Variants in PAK2 observed in about 807,000 individuals in gnomAD.
The protein encoded by PAK2 is p21 (RAC1) activated kinase 2.
In PAK2, 21 loss-of-function variants were observed where a neutral mutation model predicts 65.9. The ratio of observed to expected loss-of-function variants is 0.32; its 90% CI spans 0.23 to 0.46. PAK2 has a LOEUF of 0.46. Among genes scored for constraint, PAK2 ranks in the 20% least tolerant of loss-of-function variants. PAK2 has a pLI of 1.00. For synonymous variants in PAK2, 204 were observed against 219.7 expected (o/e 0.93, Z 0.63); for missense variants, 324 against 642.6 (o/e 0.50, Z 5.36).
At chr3:196,746,339 CATTTAGATG>C (rs2108705976) in intron 1 of PAK2, among the ~76,000 whole-genome samples, 1 of 152,252 alleles carries the variant, frequency 6.6e-6, no homozygotes, top group African/African-American at 2.4e-5. Flanking sequence ...GCTATTGTAA[CATTTAGATG>C]ATGATATGGT....
At position 196,740,155 on chromosome 3, in the gene PAK2, G is replaced by A. The variant is rs1713137618; in HGVS notation, c.-24G>A. 3.3e-5 allele frequency: 5 copies of A among 152,062 alleles called. No individual in the cohort carries two copies. The highest frequency in any genetic ancestry group is 3.3e-4 in the Admixed American group (5 of 15,266). 9.4% of individuals were successfully genotyped at this position (152,062 alleles called of 1,614,324 possible). On this transcript the variant is annotated splice_region_variant and 5_prime_UTR_variant, in exon 1 of 15. Coordinates refer to ENST00000327134, the MANE Select transcript of PAK2 (RefSeq NM_002577.4). ...CTGGGGCGGGGACCTTGCCTTGCCC[G>A]GGGTAAGTGCACACAGGCCGGCCGG...
intron 1 of PAK2, chr3:196,747,216 A>G (rs1713415535): frequency 6.6e-6 from 1 of 151,200 alleles, no homozygotes; most frequent in African/African-American, 2.4e-5. Flanking sequence ...GTTAATGTTA[A>G]TGTTATTAAT....
intron 4 of PAK2, among the ~76,000 whole-genome samples, chr3:196,804,317 C>T (rs1715511119): frequency 6.6e-6 from 1 of 152,170 alleles, no homozygotes. Flanking sequence ...GAAAAGGTCA[C>T]ACTTGCTCCT....
At chr3:196,825,652 T>TAATA (rs757047661) in intron 13 of PAK2, among the ~76,000 whole-genome samples, 41 of 151,708 alleles carry the variant, frequency 2.7e-4, no homozygotes, top group African/African-American at 7.3e-4. Flanking sequence ...CAAAAATAAA[T>TAATA]AATAAATAAA....
At position 196,755,123 on chromosome 3, in the gene PAK2, C is replaced by T. The variant is rs148138898; in HGVS notation, c.-22+14966C>T. On this transcript the variant is annotated intron_variant, in intron 1 of 14. Transcript: ENST00000327134. ...ATTGGTGGAGATTTGGGACAGACTA[C>T]GTTGGAGATTTCTGATTTGATAGCA... Among the ~76,000 whole-genome samples the T allele has an allele frequency of 1.4e-4, 22 of 152,276 alleles. No individual in the cohort carries two copies. The East Asian group carries it at 2.7e-3, about 19-fold the overall frequency.
At chr3:196,792,388 G>A (rs569483707) in intron 2 of PAK2, among the ~76,000 whole-genome samples, 2 of 152,308 alleles carry the variant, frequency 1.3e-5, no homozygotes, top group African/African-American at 2.4e-5. Context: ...AATTGAGAGA[G>A]AGGTAATTTA....
At chr3:196,775,452 G>A (rs767688782) in intron 1 of PAK2, among the ~76,000 whole-genome samples, 2 of 151,522 alleles carry the variant, frequency 1.3e-5, no homozygotes, top group South Asian at 4.2e-4. Flanking sequence ...GTACGATCTC[G>A]GCTCACTGCA....
At chr3:196,813,148 C>G (rs1715882000) in intron 10 of PAK2, among the ~76,000 whole-genome samples, 1 of 152,088 alleles carries the variant, frequency 6.6e-6, no homozygotes, top group Admixed American at 6.6e-5. Flanking sequence ...CGTGTCTTGA[C>G]TGACAGAGGG....
intron 1 of PAK2, among the ~76,000 whole-genome samples, chr3:196,750,188 C>T (rs1342455946): frequency 6.6e-6 from 1 of 151,936 alleles, no homozygotes. Flanking sequence ...TGGGATTTCA[C>T]CATATTGGCC....
intron 2 of PAK2, among the ~76,000 whole-genome samples, chr3:196,783,724 C>T (rs1714790541): frequency 6.6e-6 from 1 of 152,180 alleles, no homozygotes; most frequent in South Asian, 2.1e-4. Context: ...CCAATATCCA[C>T]CATTCTGCAT....
intron 4 of PAK2, 77 bp downstream of exon 4, chr3:196,803,241 AT>A (rs1391363841): frequency 8.5e-7 from 1 of 1,169,914 alleles, no homozygotes; most frequent in African/African-American, 1.6e-5. Flanking sequence ...TCCTGGAAAA[AT>A]GAAAAGCTAA....
chr3:196,763,245 C>A (rs1466589354), intron 1 of PAK2, among the ~76,000 whole-genome samples: 2 of 152,136 alleles, frequency 1.3e-5, no homozygotes, highest in Non-Finnish European at 2.9e-5. Context: ...ATTATTAACT[C>A]TGATACAAAA....
chr3:196,761,199 C>G (rs1713951091), intron 1 of PAK2, among the ~76,000 whole-genome samples: 1 of 112,450 alleles, frequency 8.9e-6, no homozygotes, highest in Non-Finnish European at 1.8e-5. Context: ...GGGTGTTTCT[C>G]ACAGAGGGGG....
chr3:196,755,596 T>TC (rs1355250682), intron 1 of PAK2, among the ~76,000 whole-genome samples: 4 of 151,982 alleles, frequency 2.6e-5, no homozygotes, highest in African/African-American at 9.7e-5. Context: ...GTAGCTGGGA[T>TC]TATAGGTATG....
intron 2 of PAK2, among the ~76,000 whole-genome samples, chr3:196,795,389 G>T (rs1013428339): frequency 6.6e-6 from 1 of 152,060 alleles, no homozygotes; most frequent in Non-Finnish European, 1.5e-5. Context: ...GATTGCTTGA[G>T]CCCAGAGGTT....
At chr3:196,812,964 A>G in intron 10 of PAK2, 113 bp downstream of exon 10, 1 of 603,434 alleles carries the variant, frequency 1.7e-6, no homozygotes, top group Non-Finnish European at 3.0e-6. Context: ...GAGAAATAAG[A>G]TGGAAGAAAG....
Position 196,820,922 on chromosome 3 carries a change from C to T in PAK2, c.1350+355C>T, listed in dbSNP as rs887504874. The stretch of plus-strand genomic sequence containing the variant: ...TGGCGCAATCTCAGCTCACTGCAAC[C>T]GCCACCTCCCAGGTTCAAGCGATCC... On this transcript the variant is annotated intron_variant, in intron 13 of 14. Coordinates refer to ENST00000327134, the MANE Select transcript of PAK2 (RefSeq NM_002577.4). The surrounding 1 kb of genome is among the most constrained non-coding windows in gnomAD (Gnocchi z 4.6). Among the ~76,000 whole-genome samples the T allele has an allele frequency of 1.3e-5, 2 of 152,088 alleles. No individual in the cohort carries two copies. Among genetic ancestry groups the T allele is most frequent in the South Asian group, 2.1e-4 (1 of 4,830 alleles).
intron 1 of PAK2, among the ~76,000 whole-genome samples, chr3:196,749,390 A>C (rs777669245): frequency 5.3e-5 from 8 of 152,168 alleles, no homozygotes; most frequent in Non-Finnish European, 8.8e-5. Flanking sequence ...CAGTTTCTCT[A>C]CATCCTTTTT....
Position 196,825,466 on chromosome 3 carries a change from AC to A in PAK2, c.1351-1726del, listed in dbSNP as rs1711825232. Among the ~76,000 whole-genome samples, 2 of 151,178 alleles carry A rather than the reference AC, an allele frequency of 1.3e-5. 1 individual carries two copies. The highest frequency in any genetic ancestry group is 4.9e-5 in the African/African-American group (2 of 40,570). On this transcript the variant is annotated intron_variant, in intron 13 of 14. Coordinates refer to ENST00000327134, the MANE Select transcript of PAK2 (RefSeq NM_002577.4). Reference sequence around the variant, plus strand: ...AGACCAGCCTGGCCAACACAGTGAAACCCCGTCTCTACTGAAAATACAAAAA... The same window carrying A: ...AGACCAGCCTGGCCAACACAGTGAAACCCGTCTCTACTGAAAATACAAAAA...
Sources: allele counts gnomAD v4.1 joint callset (sites outside exome capture counted in the v4.1 genomes callset), GRCh38; gene constraint gnomAD v4.1.1; non-coding constraint Gnocchi (gnomAD v3.1); transcripts MANE v1.5; gene names NCBI Gene and HGNC (gene_info 2026-07-23, HGNC 2026-07-21).